Variants in NRG3 observed in about 807,000 individuals in gnomAD.
NRG3 encodes neuregulin 3.
Under a neutral mutation model 66.9 loss-of-function variants are expected in NRG3, and 31 were observed. That is an observed-to-expected ratio of 0.46 (90% confidence interval 0.35 to 0.63). The LOEUF is 0.63. Among genes scored for constraint, NRG3 ranks in the 20% least tolerant of loss-of-function variants. The pLI is 0.00. For missense variants in NRG3, 910 were observed against 878.9 expected, an observed-to-expected ratio of 1.04 and a Z score of -0.45; for synonymous variants, 393 against 359.4, an observed-to-expected ratio of 1.09 and a Z score of -1.06.
chr10:81,900,057 C>G (rs1843890683), intron 1 of NRG3, among the ~76,000 whole-genome samples: 1 of 151,862 alleles, frequency 6.6e-6, no homozygotes, highest in Non-Finnish European at 1.5e-5. Flanking sequence ...AAATGATTCT[C>G]CGCCTCAGCC....
chr10:82,726,848 G>C (rs1035066336), intron 2 of NRG3, among the ~76,000 whole-genome samples: 1 of 152,146 alleles, frequency 6.6e-6, no homozygotes, highest in Non-Finnish European at 1.5e-5. Flanking sequence ...GAATGGCTTT[G>C]ACAAAAATGC....
chr10:82,843,713 G>T (rs2063172222), intron 3 of NRG3, among the ~76,000 whole-genome samples: 1 of 152,172 alleles, frequency 6.6e-6, no homozygotes, highest in African/African-American at 2.4e-5. Context: ...GATGGAAAAT[G>T]AAGGGAAGGG....
rs147162032 is a variant in NRG3 at position 82,956,891 on chromosome 10, A to G, written c.1158-2058A>G. Among the ~76,000 whole-genome samples the G allele has an allele frequency of 1.3e-4, 20 of 152,142 alleles. No individual in the cohort carries two copies. The East Asian group carries it at 3.9e-3, about 29-fold the overall frequency. ...GAAGCAAATAGATTATTACAACAGGATTAAAGCAACTAAGAGTGCTAGAGA... is the reference window on the plus strand; with the variant it reads ...GAAGCAAATAGATTATTACAACAGGGTTAAAGCAACTAAGAGTGCTAGAGA... On this transcript the variant is annotated intron_variant, in intron 5 of 8. Coordinates refer to ENST00000372141, the MANE Select transcript of NRG3 (RefSeq NM_001010848.4).
At chr10:82,885,085 T>A (rs1337732523) in intron 4 of NRG3, among the ~76,000 whole-genome samples, 1 of 152,224 alleles carries the variant, frequency 6.6e-6, no homozygotes, top group Admixed American at 6.5e-5. Context: ...TGGCTTGATG[T>A]TATAATAGGA....
intron 1 of NRG3, among the ~76,000 whole-genome samples, chr10:82,004,760 T>C (rs1334695987): frequency 2.0e-5 from 3 of 152,172 alleles, no homozygotes; most frequent in Admixed American, 6.5e-5. Context: ...AGAGCCTGTA[T>C]GAGAAGTCTG....
chr10:81,937,523 T>A (rs1042230955), intron 1 of NRG3, among the ~76,000 whole-genome samples: 1 of 152,156 alleles, frequency 6.6e-6, no homozygotes, highest in Non-Finnish European at 1.5e-5. Context: ...GATAATCTTT[T>A]AATATGCTTG....
At position 82,617,493 on chromosome 10, in the gene NRG3, A is replaced by G. The variant is rs61864253; in HGVS notation, c.954-121084A>G. On this transcript the variant is annotated intron_variant, in intron 2 of 8. Transcript: ENST00000372141. ...AGGAAGGGGAAGGCCAAGGACTTCT[A>G]GGGGCACCGGGCTCTGACATAAATG... Among the ~76,000 whole-genome samples the G allele has an allele frequency of 4.7e-3, 719 of 152,306 alleles. 3 individuals are homozygous for G. The highest frequency in any genetic ancestry group is 7.6e-3 in the Non-Finnish European group (515 of 68,014).
intron 2 of NRG3, among the ~76,000 whole-genome samples, chr10:82,385,777 A>T (rs186497355): frequency 3.7e-4 from 56 of 152,300 alleles, no homozygotes; most frequent in African/African-American, 1.3e-3. Flanking sequence ...GTGTGTTTAT[A>T]AAATGGGTTG....
intron 3 of NRG3, among the ~76,000 whole-genome samples, chr10:82,838,167 C>T (rs1006398914): frequency 2.6e-5 from 4 of 152,094 alleles, no homozygotes; most frequent in African/African-American, 9.7e-5. Context: ...TAGAAACAGA[C>T]ATTAGTAAAT....
At chr10:82,112,621 C>T (rs1261272147) in intron 1 of NRG3, among the ~76,000 whole-genome samples, 1 of 152,144 alleles carries the variant, frequency 6.6e-6, no homozygotes, top group Non-Finnish European at 1.5e-5. Flanking sequence ...TTAGTGCAGA[C>T]TAGAGCTTGC....
At chr10:82,438,321 C>G (rs1226611185) in intron 2 of NRG3, among the ~76,000 whole-genome samples, 2 of 152,252 alleles carry the variant, frequency 1.3e-5, no homozygotes, top group Non-Finnish European at 2.9e-5. Flanking sequence ...TGAAGAGGCC[C>G]TCTGGCCACA....
At chr10:81,994,380 G>C (rs919482706) in intron 1 of NRG3, among the ~76,000 whole-genome samples, 2 of 151,976 alleles carry the variant, frequency 1.3e-5, no homozygotes, top group African/African-American at 4.8e-5. Flanking sequence ...GTTTAAATAA[G>C]ATATTGTGTT....
At chr10:82,696,913 T>A (rs1372128354) in intron 2 of NRG3, among the ~76,000 whole-genome samples, 3 of 152,238 alleles carry the variant, frequency 2.0e-5, no homozygotes, top group Admixed American at 1.3e-4. Context: ...GGCCACTGTT[T>A]ATGATTTAAT....
At chr10:82,511,165 T>C (rs556616965) in intron 2 of NRG3, among the ~76,000 whole-genome samples, 1 of 152,306 alleles carries the variant, frequency 6.6e-6, no homozygotes, top group East Asian at 1.9e-4. Context: ...AAGCATTTTC[T>C]GACATTCAGA....
intron 3 of NRG3, among the ~76,000 whole-genome samples, chr10:82,815,803 C>T (rs993693947): frequency 6.6e-6 from 1 of 152,186 alleles, no homozygotes; most frequent in Non-Finnish European, 1.5e-5. Flanking sequence ...CTGGATCCCA[C>T]ACCTGCTAAG....
chr10:82,339,054 T>A (rs1448331495), intron 1 of NRG3, among the ~76,000 whole-genome samples: 1 of 152,172 alleles, frequency 6.6e-6, no homozygotes, highest in Non-Finnish European at 1.5e-5. Flanking sequence ...AGTGAAATGA[T>A]TGATGTATTG....
At chr10:82,469,407 C>T (rs1841012123) in intron 2 of NRG3, among the ~76,000 whole-genome samples, 1 of 152,104 alleles carries the variant, frequency 6.6e-6, no homozygotes, top group Non-Finnish European at 1.5e-5. Flanking sequence ...GAGCAAGAGG[C>T]ATATCAAACA....
At position 82,524,986 on chromosome 10, in the gene NRG3, A is replaced by G. The variant is rs547138154; in HGVS notation, c.953+166118A>G. On this transcript the variant is annotated intron_variant, in intron 2 of 8. Transcript: ENST00000372141. ...CTTTCACTACAATGTGTTTACTAAT[A>G]TGTTAGAAAGAGCCAATAAGTGATA... 1.3e-4 allele frequency among the ~76,000 whole-genome samples: 20 copies of G among 152,018 alleles called. 2 individuals carry two copies. The South Asian group carries it at 2.7e-3, about 20-fold the overall frequency.
At chr10:82,684,217 G>A (rs1020970100) in intron 2 of NRG3, among the ~76,000 whole-genome samples, 2 of 152,206 alleles carry the variant, frequency 1.3e-5, no homozygotes, top group Non-Finnish European at 2.9e-5. Flanking sequence ...AATGGGTAAT[G>A]TAATCATGCT....
Sources: gnomAD v4.1 joint callset for allele counts (sites outside exome capture counted in the v4.1 genomes callset) on GRCh38, gnomAD v4.1.1 for gene constraint, MANE v1.5 for transcripts, NCBI Gene and HGNC (gene_info 2026-07-23, HGNC 2026-07-21) for gene names.